DZIP1L: variants seen among roughly 807,000 people sequenced by gnomAD.
DZIP1L encodes cilium assembly protein DZIP1L.
In DZIP1L, 90 loss-of-function variants were observed where a neutral mutation model predicts 88.7. That is an observed-to-expected ratio of 1.02 (90% CI 0.86 to 1.21). DZIP1L has a LOEUF of 1.21. Among genes scored for constraint, DZIP1L ranks in the 50% most tolerant of loss-of-function variants. The pLI, the probability that DZIP1L is intolerant of heterozygous loss-of-function variation, is 0.00. For synonymous variants in DZIP1L, 363 were observed against 372.1 expected (o/e 0.98, Z 0.28); for missense variants, 932 against 955.8 (o/e 0.98, Z 0.33).
At chr3:138,104,545 A>C (rs1156499110) in intron 1 of DZIP1L, among the ~76,000 whole-genome samples, 2 of 152,208 alleles carry the variant, frequency 1.3e-5, no homozygotes, top group Non-Finnish European at 2.9e-5. Flanking sequence ...CAAGGTTCCT[A>C]ATGTCCACCC....
chr3:138,064,898 G>A (rs1248149302), intron 14 of DZIP1L, 131 bp from the exon 15 acceptor site: 6 of 1,342,938 alleles, frequency 4.5e-6, no homozygotes, highest in Non-Finnish European at 6.0e-6. Context: ...AGAAGGCTGA[G>A]CAACCACAAA....
intron 2 of DZIP1L, among the ~76,000 whole-genome samples, chr3:138,099,053 C>T (rs146274285): frequency 2.4e-3 from 370 of 152,316 alleles, no homozygotes; most frequent in African/African-American, 8.7e-3. Flanking sequence ...GGGAGGATCA[C>T]CTGAGCCTGG....
intron 5 of DZIP1L, chr3:138,088,907 T>C: frequency 1.0e-6 from 1 of 987,090 alleles, no homozygotes; most frequent in Non-Finnish European, 1.2e-6. Flanking sequence ...CTCCTGCCTC[T>C]CTCCCTACAA....
chr3:138,084,071 C>T, intron 8 of DZIP1L, 42 bp downstream of exon 8: 1 of 1,604,388 alleles, frequency 6.2e-7, no homozygotes, highest in Non-Finnish European at 8.5e-7. Flanking sequence ...GGAAAGAGGC[C>T]CAGGGACACC....
In DZIP1L at chr3:138,103,631, C is replaced by T. The variant is rs774817564; in HGVS notation, c.341G>A (p.Arg114Gln). The part of the protein sequence containing the change: ...LSASVAQLEA[R>Q]LQTSLGQQQR... ...CTGCTGGCCCAGGCTGGTCTGCAGC[C>T]GTGCCTCCAGCTGGGCAACACTGGC... Residue 114 changes from arginine to glutamine, a missense_variant, in exon 2 of 16, where the codon CGG becomes CAG. Coordinates refer to ENST00000327532, the MANE Select transcript of DZIP1L (RefSeq NM_173543.3). 5.6e-6 allele frequency: 9 copies of T among 1,606,822 alleles called. No individual in the cohort carries two copies. In the East Asian group the frequency reaches 8.9e-5, roughly 16 times the overall value.
chr3:138,103,449 C>T lies in DZIP1L; in HGVS notation c.501+22G>A, dbSNP rs747069206. 15 of 1,577,452 alleles carry T rather than the reference C, an allele frequency of 9.5e-6. No homozygotes were observed. In the South Asian group the frequency reaches 1.6e-4, roughly 17 times the overall value. ...GGGGCACACAGCCCTCCCACTCTCC[C>T]TGCCTGGTGGAGATTCCTCACCGTG... On this transcript the variant is annotated intron_variant, in intron 2 of 15. Transcript: ENST00000327532.
At chr3:138,066,717 C>T (rs79504386) in intron 14 of DZIP1L, among the ~76,000 whole-genome samples, 3,604 of 152,088 alleles carry the variant, frequency 0.024, 76 homozygotes, top group African/African-American at 0.06. Flanking sequence ...TTCTCTCACA[C>T]GCCTCGAGCT....
intron 12 of DZIP1L, among the ~76,000 whole-genome samples, chr3:138,069,556 G>A (rs759578683): frequency 6.6e-6 from 1 of 152,156 alleles, no homozygotes; most frequent in Non-Finnish European, 1.5e-5. Context: ...AGAAGGGGAA[G>A]ACAAAGACAA....
At chr3:138,104,945 T>C (rs996944914) in intron 1 of DZIP1L, among the ~76,000 whole-genome samples, 3 of 152,142 alleles carry the variant, frequency 2.0e-5, no homozygotes, top group African/African-American at 7.2e-5. Flanking sequence ...TGTACAAAGG[T>C]ACTTGTGAAA....
chr3:138,095,037 G>A (rs780412562), intron 3 of DZIP1L, 54 bp from the exon 4 acceptor site: 239 of 1,611,332 alleles, frequency 1.5e-4, no homozygotes, highest in Non-Finnish European at 2.0e-4. Context: ...AATCAAGGGA[G>A]TGTAGTTTCT....
At chr3:138,086,710 A>T (rs1943957769) in intron 7 of DZIP1L, among the ~76,000 whole-genome samples, 1 of 152,180 alleles carries the variant, frequency 6.6e-6, no homozygotes, top group Non-Finnish European at 1.5e-5. Flanking sequence ...AAGACCACAG[A>T]ACAAAGGATG....
rs111279300 is a variant in DZIP1L at position 138,095,503 on chromosome 3, G to A, written c.587-520C>T. Among the ~76,000 whole-genome samples the A allele has an allele frequency of 2.3e-3, 347 of 152,162 alleles. 1 individual carries two copies. Among genetic ancestry groups the A allele is most frequent in the African/African-American group, 7.5e-3 (311 of 41,518 alleles). The stretch of plus-strand genomic sequence containing the variant: ...AGTGTATAGTTGTAAATTTCAGGCC[G>A]GGCGCAGTGGCTCATGCCTGTAATC... On this transcript the variant is annotated intron_variant, in intron 3 of 15. Transcript: ENST00000327532.
chr3:138,072,697 C>T (rs1340612989), intron 11 of DZIP1L, among the ~76,000 whole-genome samples: 2 of 152,206 alleles, frequency 1.3e-5, no homozygotes, highest in African/African-American at 4.8e-5. Context: ...TGGATCACTG[C>T]TGCAGACTCC....
At chr3:138,102,712 T>A (rs1055704624) in intron 2 of DZIP1L, 21 of 845,210 alleles carry the variant, frequency 2.5e-5, no homozygotes, top group Non-Finnish European at 4.4e-5. Context: ...CAGGCTCTGG[T>A]TGACAGTGAT....
At chr3:138,086,865 T>C (rs1305011161) in intron 7 of DZIP1L, 96 bp downstream of exon 7, 8 of 1,280,132 alleles carry the variant, frequency 6.2e-6, no homozygotes, top group East Asian at 2.3e-5. Flanking sequence ...CCAGGTGAGA[T>C]AGGGGAGATG....
intron 1 of DZIP1L, among the ~76,000 whole-genome samples, chr3:138,108,587 G>A (rs1354300319): frequency 2.6e-5 from 4 of 151,940 alleles, no homozygotes; most frequent in South Asian, 4.2e-4. Context: ...CTCCCTGCAC[G>A]CTATCCCTAG....
chr3:138,088,698 C>T, intron 5 of DZIP1L, 191 bp from the exon 6 acceptor site: 6 of 1,256,512 alleles, frequency 4.8e-6, no homozygotes, highest in Non-Finnish European at 6.0e-6. Context: ...CCTGGGGGCT[C>T]AGCCCTTGCA....
intron 2 of DZIP1L, chr3:138,101,707 G>A: frequency 2.4e-6 from 2 of 823,392 alleles, no homozygotes; most frequent in Non-Finnish European, 4.3e-6. Flanking sequence ...ATGGATACTT[G>A]TGTTCTGCAT....
At chr3:138,065,799 C>T (rs1942866216) in intron 14 of DZIP1L, among the ~76,000 whole-genome samples, 1 of 152,246 alleles carries the variant, frequency 6.6e-6, no homozygotes, top group African/African-American at 2.4e-5. Context: ...TTCTTTAACA[C>T]AGCCTTGGCT....
Sources: gnomAD v4.1 joint callset for allele counts (sites outside exome capture counted in the v4.1 genomes callset) on GRCh38, gnomAD v4.1.1 for gene constraint, MANE v1.5 for transcripts, NCBI Gene and HGNC (gene_info 2026-07-23, HGNC 2026-07-21) for gene names.